Variants in RTN1 observed in about 807,000 individuals in gnomAD.
The protein encoded by RTN1 is reticulon 1, also known as reticulon-1.
Under a neutral mutation model 65.5 loss-of-function variants are expected in RTN1, and 25 were observed. That is an observed-to-expected ratio of 0.38 (90% CI 0.28 to 0.53). The LOEUF is 0.53. RTN1 is among the 20% of genes least tolerant of loss of function. RTN1 has a pLI of 0.79. For missense variants in RTN1, 983 were observed against 1,025.4 expected, an observed-to-expected ratio of 0.96 and a Z score of 0.57; for synonymous variants, 471 against 447.6, an observed-to-expected ratio of 1.05 and a Z score of -0.66.
intron 1 of RTN1, among the ~76,000 whole-genome samples, chr14:59,752,717 C>T (rs1406015153): frequency 1.3e-5 from 2 of 151,994 alleles, no homozygotes; most frequent in African/African-American, 4.8e-5. Context: ...AGTAAGCATC[C>T]AATTCAAAAT....
At chr14:59,670,085 A>G (rs1883470828) in intron 3 of RTN1, among the ~76,000 whole-genome samples, 1 of 152,248 alleles carries the variant, frequency 6.6e-6, no homozygotes. Context: ...TGCCCAGTAC[A>G]TCAACATAAC....
intron 3 of RTN1, among the ~76,000 whole-genome samples, chr14:59,643,328 T>C (rs1248849267): frequency 1.3e-5 from 2 of 152,168 alleles, no homozygotes; most frequent in Non-Finnish European, 2.9e-5. Flanking sequence ...CAAGCAACTC[T>C]CCTGCCTCAG....
chr14:59,603,522 C>G (rs1442357150), intron 6 of RTN1, among the ~76,000 whole-genome samples: 1 of 151,214 alleles, frequency 6.6e-6, no homozygotes, highest in Non-Finnish European at 1.5e-5. Context: ...AAACTCTCCC[C>G]TCCCAAGATG....
chr14:59,637,928 T>G (rs1376138712), intron 3 of RTN1, among the ~76,000 whole-genome samples: 2 of 151,584 alleles, frequency 1.3e-5, no homozygotes. Flanking sequence ...CTCGGCTCAC[T>G]GCAACTTCCG....
In RTN1 at chr14:59,745,736, T is replaced by A; in HGVS notation, c.987A>T (p.Gly329=). The change falls in exon 2 of 9, where the codon GGA becomes GGT. Residue 329 remains glycine (G), a synonymous_variant. Transcript: ENST00000267484. ...TVSEPEDDSP[G]SITPPSSGTE... is the part of the protein sequence containing the mutation. ...TTCCAGAAGATGGAGGGGTGATAGATCCTGGGCTGTCGTCTTCAGGCTCCG... is the reference window on the plus strand; with the variant it reads ...TTCCAGAAGATGGAGGGGTGATAGAACCTGGGCTGTCGTCTTCAGGCTCCG... 3 of 1,612,886 alleles carry A rather than the reference T, an allele frequency of 1.9e-6. No individual in the cohort carries two copies. The highest frequency in any genetic ancestry group is 2.5e-6 in the Non-Finnish European group (3 of 1,179,490).
chr14:59,807,157 T>A (rs1274865190), intron 1 of RTN1, among the ~76,000 whole-genome samples: 1 of 152,182 alleles, frequency 6.6e-6, no homozygotes, highest in African/African-American at 2.4e-5. Flanking sequence ...TCAAGTCAAA[T>A]TAGAGGGCTT....
At chr14:59,602,461 G>C (rs1378118898) in intron 8 of RTN1, among the ~76,000 whole-genome samples, 1 of 152,116 alleles carries the variant, frequency 6.6e-6, no homozygotes, top group Non-Finnish European at 1.5e-5. Flanking sequence ...CTATGGGTAT[G>C]TAAAACTGAA....
At chr14:59,735,478 G>A (rs998747166) in intron 2 of RTN1, among the ~76,000 whole-genome samples, 3 of 152,174 alleles carry the variant, frequency 2.0e-5, no homozygotes, top group African/African-American at 7.2e-5. Flanking sequence ...TTAGTATGCT[G>A]TCTTCAAGAG....
intron 1 of RTN1, among the ~76,000 whole-genome samples, chr14:59,749,210 C>A (rs901355119): frequency 1.9e-4 from 12 of 63,526 alleles, no homozygotes; most frequent in African/African-American, 9.1e-4. Flanking sequence ...ATATATATAT[C>A]TATATATATC....
intron 1 of RTN1, among the ~76,000 whole-genome samples, chr14:59,749,150 C>A (rs1454207326): frequency 3.8e-5 from 4 of 104,108 alleles, no homozygotes; most frequent in Admixed American, 2.3e-4. Flanking sequence ...ATCTATCTAT[C>A]TATCTATATC....
At chr14:59,715,693 G>A (rs1027133840) in intron 3 of RTN1, among the ~76,000 whole-genome samples, 1 of 152,088 alleles carries the variant, frequency 6.6e-6, no homozygotes, top group Non-Finnish European at 1.5e-5. Flanking sequence ...AGGCATGGTG[G>A]TGGGCACCTG....
Position 59,778,814 on chromosome 14 carries a change from C to T in RTN1, c.242-32333G>A, listed in dbSNP as rs556494606. Among the ~76,000 whole-genome samples, 15 of 151,938 alleles carry T rather than the reference C, an allele frequency of 9.9e-5. No individual in the cohort carries two copies. In the East Asian group the frequency reaches 2.9e-3, roughly 29 times the overall value. ...GGATGGAAGAACATGAGAGTGAGGC[C>T]CCTGAGATCAAGCAAACAGACTGTA... On this transcript the variant is annotated intron_variant, in intron 1 of 8. Transcript: ENST00000267484.
At chr14:59,729,380 TC>T (rs33989229) in intron 2 of RTN1, among the ~76,000 whole-genome samples, 60,329 of 151,984 alleles carry the variant, frequency 0.4, 12,319 homozygotes, top group African/African-American at 0.48. Flanking sequence ...ATCTATGGGT[TC>T]CCCCCCTTTT....
intron 3 of RTN1, among the ~76,000 whole-genome samples, chr14:59,661,540 A>G (rs1883247934): frequency 6.6e-6 from 1 of 152,172 alleles, no homozygotes. Context: ...GCACATCAAA[A>G]AGCTTATCCA....
chr14:59,653,006 T>A (rs1473900427), intron 3 of RTN1, among the ~76,000 whole-genome samples: 1 of 151,806 alleles, frequency 6.6e-6, no homozygotes, highest in Non-Finnish European at 1.5e-5. Flanking sequence ...AGAAAAAAAA[T>A]TTAAGACATA....
chr14:59,707,081 C>T (rs1394196307), intron 3 of RTN1, among the ~76,000 whole-genome samples: 1 of 152,202 alleles, frequency 6.6e-6, no homozygotes, highest in Non-Finnish European at 1.5e-5. Context: ...TTCTGAAGAA[C>T]TGAGAACTGA....
intron 4 of RTN1, chr14:59,605,875 G>T (rs1401606726): frequency 6.2e-6 from 1 of 162,068 alleles, no homozygotes; most frequent in Middle Eastern, 2.9e-3. Flanking sequence ...CTTTTTTTAA[G>T]TAGTTGAGAT....
intron 1 of RTN1, among the ~76,000 whole-genome samples, chr14:59,781,549 C>T (rs955476167): frequency 2.6e-5 from 4 of 152,078 alleles, no homozygotes; most frequent in Non-Finnish European, 4.4e-5. Flanking sequence ...AAACCCAGCC[C>T]CATGTTCTGG....
At position 59,605,407 on chromosome 14, in the gene RTN1, C is replaced by T. The variant is rs1451196495; in HGVS notation, c.2073G>A (p.Arg691=). The change falls in exon 5 of 9, where the codon AGG becomes AGA. Residue 691 remains arginine (R), a synonymous_variant. Coordinates refer to ENST00000267484, the MANE Select transcript of RTN1 (RefSeq NM_021136.3). ...CCAGGTCCTGGACAAGGAAGAGCCT[C>T]CTCAGTTCCTTAAGTGTGCTGTTCA... ...FYVNSTLKEL[R]RLFLVQDLVD... 6.2e-7 allele frequency: 1 copy of T among 1,614,052 alleles called. No individual in the cohort carries two copies. The highest frequency in any genetic ancestry group is 8.5e-7 in the Non-Finnish European group (1 of 1,180,010).
Sources: allele counts gnomAD v4.1 joint callset (sites outside exome capture counted in the v4.1 genomes callset), GRCh38; gene constraint gnomAD v4.1.1; transcripts MANE v1.5; gene names NCBI Gene and HGNC (gene_info 2026-07-23, HGNC 2026-07-21).